N4BP2L2: variants seen among roughly 807,000 people sequenced by gnomAD.
N4BP2L2 encodes NEDD4 binding protein 2 like 2.
A neutral mutation model predicts 56.2 loss-of-function variants in N4BP2L2; 50 were observed. That is an observed-to-expected ratio of 0.89 (90% CI 0.71 to 1.13). N4BP2L2 has a LOEUF of 1.13. N4BP2L2 is among the 50% of genes most tolerant of loss of function. N4BP2L2 has a pLI of 0.00. For missense variants in N4BP2L2, 689 were observed against 693.8 expected (o/e 0.99, Z 0.08); for synonymous variants, 203 against 223.6 (o/e 0.91, Z 0.82).
chr13:32,515,580 G>GATT (rs1298714494), exon 6 of N4BP2L2: 1 of 152,030 alleles, frequency 6.6e-6, no homozygotes, highest in African/African-American at 2.4e-5. Context: ...ATCTCTAACT[G>GATT]ATTATTATTT....
At chr13:32,488,508 C>T (rs1014893183) in intron 6 of N4BP2L2, among the ~76,000 whole-genome samples, 1 of 152,112 alleles carries the variant, frequency 6.6e-6, no homozygotes, top group Non-Finnish European at 1.5e-5. Context: ...CCCATGTACT[C>T]AATCTGCACA....
At chr13:32,525,118 A>G (rs1461681562) in intron 3 of N4BP2L2, 7 of 152,332 alleles carry the variant, frequency 4.6e-5, no homozygotes, top group African/African-American at 1.4e-4. Flanking sequence ...TTACTAGTTC[A>G]CCAAAGGTAT....
At chr13:32,463,663 CAAAA>C (rs35920030) in intron 6 of N4BP2L2, among the ~76,000 whole-genome samples, 4 of 104,042 alleles carry the variant, frequency 3.8e-5, no homozygotes, top group African/African-American at 7.2e-5. Context: ...GACTTGGTCT[CAAAA>C]AAAAAAAAAA....
intron 6 of N4BP2L2, among the ~76,000 whole-genome samples, chr13:32,492,429 C>T (rs995490742): frequency 6.6e-6 from 1 of 151,794 alleles, no homozygotes; most frequent in African/African-American, 2.4e-5. Context: ...ACTACAGGCA[C>T]CCCAGACAAA....
intron 6 of N4BP2L2, among the ~76,000 whole-genome samples, chr13:32,452,324 G>A (rs544054250): frequency 6.6e-6 from 1 of 152,036 alleles, no homozygotes; most frequent in Non-Finnish European, 1.5e-5. Context: ...GCCTCCCAAA[G>A]TGCTGGGAAT....
chr13:32,436,812 A>AAAGG (rs1412752207), intron 8 of N4BP2L2, among the ~76,000 whole-genome samples: 3 of 112,602 alleles, frequency 2.7e-5, no homozygotes, highest in Non-Finnish European at 5.0e-5. Context: ...AAAAAAAAAG[A>AAAGG]AAGGAAGAAA....
intron 3 of N4BP2L2, chr13:32,523,134 T>C (rs2051470394): frequency 6.6e-6 from 1 of 152,240 alleles, no homozygotes; most frequent in Admixed American, 6.5e-5. Context: ...CTCACACCTA[T>C]AATCCCAGCA....
chr13:32,452,199 T>A (rs2078198111), intron 6 of N4BP2L2, among the ~76,000 whole-genome samples: 1 of 152,002 alleles, frequency 6.6e-6, no homozygotes. Context: ...GTAGCTGGGA[T>A]TACAGGCCTG....
At position 32,452,303 on chromosome 13, in the gene N4BP2L2, C is replaced by T. The variant is rs544134073; in HGVS notation, c.366-8177G>A. On this transcript the variant is annotated intron_variant, in intron 6 of 9. Transcript: ENST00000357505. The stretch of plus-strand genomic sequence containing the variant: ...CTTGAACTCCCGACCTCAGGTGATC[C>T]GCCTGCCTCGGCCTCCCAAAGTGCT... Among the ~76,000 whole-genome samples the T allele has an allele frequency of 7.9e-5, 12 of 152,120 alleles. No individual in the cohort carries two copies. The South Asian group carries it at 1.0e-3, about 13-fold the overall frequency.
At chr13:32,436,856 ATATC>A (rs1555233048) in intron 8 of N4BP2L2, among the ~76,000 whole-genome samples, 2,963 of 139,272 alleles carry the variant, frequency 0.021, 45 homozygotes, top group African/African-American at 0.027. Flanking sequence ...TAAATATCTA[ATATC>A]TATCTATTTA....
intron 6 of N4BP2L2, chr13:32,504,865 T>TA (rs1299768448): frequency 1.3e-5 from 2 of 152,236 alleles, no homozygotes; most frequent in Admixed American, 6.5e-5. Context: ...AGGCATAGGA[T>TA]AAACATTCCT....
At chr13:32,447,410 T>G (rs1353684350) in intron 6 of N4BP2L2, among the ~76,000 whole-genome samples, 1 of 151,414 alleles carries the variant, frequency 6.6e-6, no homozygotes, top group Non-Finnish European at 1.5e-5. Flanking sequence ...GTTAATTCAC[T>G]CATGGGGTGG....
chr13:32,477,971 C>T (rs1034998924), intron 6 of N4BP2L2: 1 of 1,289,336 alleles, frequency 7.8e-7, no homozygotes, highest in Non-Finnish European at 1.0e-6. Context: ...TCCTTGATTC[C>T]AGCTCCCAAG....
At chr13:32,532,910 T>A (rs1481481097) in intron 2 of N4BP2L2, among the ~76,000 whole-genome samples, 13 of 144,388 alleles carry the variant, frequency 9.0e-5, no homozygotes, top group African/African-American at 2.3e-4. Flanking sequence ...AAAAAAAAAA[T>A]AGAGACAGGG....
At chr13:32,434,710 C>A (rs886527006) in intron 9 of N4BP2L2, among the ~76,000 whole-genome samples, 2 of 152,128 alleles carry the variant, frequency 1.3e-5, no homozygotes, top group Admixed American at 6.5e-5. Flanking sequence ...TTTCTGTTTA[C>A]CCCTTGAGAC....
chr13:32,523,683 CAAA>C (rs56815965), intron 3 of N4BP2L2: 6 of 68,942 alleles, frequency 8.7e-5, no homozygotes, highest in Non-Finnish European at 1.3e-4. Context: ...GACTCCGTCT[CAAA>C]AAAAAAAAAA....
At chr13:32,524,221 A>C (rs2051953959) in intron 3 of N4BP2L2, 1 of 152,238 alleles carries the variant, frequency 6.6e-6, no homozygotes, top group South Asian at 2.1e-4. Flanking sequence ...AGACACTATC[A>C]TCTCCCACTG....
chr13:32,442,593 C>G, exon 7 of N4BP2L2: 1 of 1,613,842 alleles, frequency 6.2e-7, no homozygotes, highest in Non-Finnish European at 8.5e-7. Context: ...CCAAAGAGCA[C>G]GAAGTATCAG....
intron 6 of N4BP2L2, among the ~76,000 whole-genome samples, chr13:32,447,039 A>T (rs1276832576): frequency 1.3e-5 from 2 of 152,110 alleles, no homozygotes; most frequent in Admixed American, 1.3e-4. Flanking sequence ...TAAAGAGAAA[A>T]TTGTACAAAA....
Sources: allele counts gnomAD v4.1 joint callset (sites outside exome capture counted in the v4.1 genomes callset), GRCh38; gene constraint gnomAD v4.1.1; transcripts MANE v1.5; gene names NCBI Gene and HGNC (gene_info 2026-07-23, HGNC 2026-07-21).